Variants in CHST11 observed in about 807,000 individuals in gnomAD.
CHST11 encodes carbohydrate sulfotransferase 11.
Under a neutral mutation model 30.4 loss-of-function variants are expected in CHST11, and 9 were observed. That is an observed-to-expected ratio of 0.30 (90% CI 0.18 to 0.52). CHST11 has a LOEUF of 0.52. Ranked by LOEUF, CHST11 falls within the 20% of genes least tolerant of loss-of-function variation. CHST11 has a pLI of 0.97. For synonymous variants in CHST11, 152 were observed against 187.8 expected (o/e 0.81, Z 1.56); for missense variants, 348 against 460.6 (o/e 0.76, Z 2.24).
rs114912581 is a variant in CHST11, at chr12:104,728,207, C to T, written c.205-28742C>T. ...GAAACAATTAGGGATTGTAATCAGT[C>T]GCCATTCAGAAGTCTTCAGCAGGAA... On this transcript the variant is annotated intron_variant, in intron 2 of 2. Transcript: ENST00000303694. 4.6e-3 allele frequency among the ~76,000 whole-genome samples: 702 copies of T among 152,212 alleles called. 8 individuals carry two copies. The highest frequency in any genetic ancestry group is 0.016 in the African/African-American group (654 of 41,518).
intron 2 of CHST11, among the ~76,000 whole-genome samples, chr12:104,754,524 G>A (rs898464865): frequency 1.3e-5 from 2 of 152,208 alleles, no homozygotes; most frequent in African/African-American, 2.4e-5. Flanking sequence ...TTCCAACAGC[G>A]TGAAGGCTAG....
At chr12:104,687,498 A>G (rs1457491035) in intron 2 of CHST11, among the ~76,000 whole-genome samples, 2 of 152,234 alleles carry the variant, frequency 1.3e-5, no homozygotes. Context: ...CCCTTATTTT[A>G]CAGATGAAGA....
chr12:104,726,618 C>A (rs1255680320), intron 2 of CHST11, among the ~76,000 whole-genome samples: 3 of 152,092 alleles, frequency 2.0e-5, no homozygotes, highest in Non-Finnish European at 2.9e-5. Flanking sequence ...GCTCAACAAC[C>A]CTGCTTCAGG....
intron 2 of CHST11, among the ~76,000 whole-genome samples, chr12:104,723,322 C>T (rs912523330): frequency 2.6e-5 from 4 of 152,156 alleles, no homozygotes; most frequent in Non-Finnish European, 5.9e-5. Context: ...GATCACACAG[C>T]AAGTACACAC....
chr12:104,530,942 T>G (rs1259512297), intron 1 of CHST11, among the ~76,000 whole-genome samples: 1 of 152,220 alleles, frequency 6.6e-6, no homozygotes, highest in Non-Finnish European at 1.5e-5. Flanking sequence ...CATTGAAATT[T>G]CACGTGGATT....
chr12:104,602,211 C>G (rs1333899520), intron 2 of CHST11: 1 of 579,908 alleles, frequency 1.7e-6, no homozygotes, highest in Admixed American at 3.2e-5. Context: ...AGGTTTAGTG[C>G]TAAGCATTCA....
At chr12:104,683,197 C>CTGT (rs1159476200) in intron 2 of CHST11, among the ~76,000 whole-genome samples, 1 of 152,150 alleles carries the variant, frequency 6.6e-6, no homozygotes, top group Non-Finnish European at 1.5e-5. Context: ...CCAGTATCCA[C>CTGT]CTGCTCAGTG....
In CHST11 at chr12:104,502,644, C is replaced by A. The variant is rs550761982; in HGVS notation, c.118+45115C>A. On this transcript the variant is annotated intron_variant, in intron 1 of 2. Transcript: ENST00000303694. Reference sequence around the variant, plus strand: ...GAGCACCAGGTGTTAAATTGGGTAGCTGATCTACGTTCCAAGGAGCTCATG... The same window carrying A: ...GAGCACCAGGTGTTAAATTGGGTAGATGATCTACGTTCCAAGGAGCTCATG... 3.9e-4 allele frequency among the ~76,000 whole-genome samples: 59 copies of A among 152,332 alleles called. No homozygotes were observed. In the Middle Eastern group the frequency reaches 0.01, roughly 26 times the overall value.
chr12:104,600,313 C>T lies in CHST11; in HGVS notation c.119-1593C>T, dbSNP rs1476364903. ...TTCTAAGCAGAGGTCCCTGGGCTAA[C>T]CCCCTGCAGCCAGCCCTCCCAGTCA... On this transcript the variant is annotated intron_variant, in intron 1 of 2. Transcript: ENST00000303694. This position sits in a 1 kb window ranked among gnomAD's most constrained non-coding sequence, Gnocchi z 4.1. Among the ~76,000 whole-genome samples, 1 of 152,154 alleles carries T rather than the reference C, an allele frequency of 6.6e-6. No individual in the cohort carries two copies. The highest frequency in any genetic ancestry group is 6.5e-5 in the Admixed American group (1 of 15,284).
chr12:104,595,576 AC>A (rs2038900356), intron 1 of CHST11, among the ~76,000 whole-genome samples: 1 of 152,206 alleles, frequency 6.6e-6, no homozygotes, highest in African/African-American at 2.4e-5. Flanking sequence ...TCTTCACCTG[AC>A]GAAGGAGAAA....
At chr12:104,703,327 C>T (rs1349808763) in intron 2 of CHST11, among the ~76,000 whole-genome samples, 1 of 152,230 alleles carries the variant, frequency 6.6e-6, no homozygotes, top group Non-Finnish European at 1.5e-5. Flanking sequence ...GCAAATTTGA[C>T]AGGTCTGAAA....
intron 1 of CHST11, among the ~76,000 whole-genome samples, chr12:104,501,182 A>G (rs2037850465): frequency 6.6e-6 from 1 of 152,196 alleles, no homozygotes; most frequent in Non-Finnish European, 1.5e-5. Flanking sequence ...GGAACGGAGT[A>G]GAAAGATGCT....
chr12:104,742,275 G>C (rs1475294255), intron 2 of CHST11, among the ~76,000 whole-genome samples: 4 of 152,204 alleles, frequency 2.6e-5, no homozygotes, highest in Non-Finnish European at 5.9e-5. Flanking sequence ...AAAGAAGGGA[G>C]AGGCCAGGAG....
Position 104,759,365 on chromosome 12 carries a change from C to T in CHST11, c.*1562C>T, listed in dbSNP as rs1305093621. On this transcript the variant is annotated 3_prime_UTR_variant, in exon 3 of 3. Coordinates refer to ENST00000303694, the MANE Select transcript of CHST11 (RefSeq NM_018413.6). ...ACATGCTTCTCATTTCCAGCCATTG[C>T]TGATGCTTCTCAGTTGAAGTTTGAG... The T allele has an allele frequency of 4.6e-5, 7 of 150,828 alleles. No individual in the cohort carries two copies. Among genetic ancestry groups the T allele is most frequent in the Non-Finnish European group, 1.0e-4 (7 of 67,896 alleles). The allele number at this position is 150,828 out of a possible 1,614,324, so 9.3% of individuals were successfully genotyped here.
chr12:104,467,603 T>C (rs2037471658), intron 1 of CHST11, among the ~76,000 whole-genome samples: 1 of 152,198 alleles, frequency 6.6e-6, no homozygotes, highest in African/African-American at 2.4e-5. Flanking sequence ...TAGATATGGA[T>C]AGAGACAAAG....
chr12:104,717,994 A>G (rs942013732), intron 2 of CHST11, among the ~76,000 whole-genome samples: 1 of 152,216 alleles, frequency 6.6e-6, no homozygotes, highest in South Asian at 2.1e-4. Context: ...GTAAAAGACA[A>G]TAGGGCAGTA....
chr12:104,599,360 G>T (rs759550409), intron 1 of CHST11, among the ~76,000 whole-genome samples: 6 of 152,194 alleles, frequency 3.9e-5, no homozygotes. Flanking sequence ...GCTTTTCACC[G>T]CGCGGTCCCG....
At chr12:104,615,109 C>T (rs1173603072) in intron 2 of CHST11, among the ~76,000 whole-genome samples, 1 of 152,200 alleles carries the variant, frequency 6.6e-6, no homozygotes, top group Non-Finnish European at 1.5e-5. Flanking sequence ...AGACATTGGG[C>T]AGCCCTAGAA....
rs1401425834 is a variant in CHST11, at chr12:104,696,519, G to A, written c.205-60430G>A. Reference sequence around the variant, plus strand: ...AAAAAAAAAAAAAACATAGCTGGGCGTGGTGGTGCACACCTGTACACCTGT... The same window carrying A: ...AAAAAAAAAAAAAACATAGCTGGGCATGGTGGTGCACACCTGTACACCTGT... On this transcript the variant is annotated intron_variant, in intron 2 of 2. Transcript: ENST00000303694. Among the ~76,000 whole-genome samples, 5 of 150,260 alleles carry A rather than the reference G, an allele frequency of 3.3e-5. No homozygotes were observed. The East Asian group carries it at 5.8e-4, about 17-fold the overall frequency.
Sources: gnomAD v4.1 joint callset for allele counts (sites outside exome capture counted in the v4.1 genomes callset) on GRCh38, gnomAD v4.1.1 for gene constraint, Gnocchi (gnomAD v3.1) non-coding constraint, MANE v1.5 for transcripts, NCBI Gene and HGNC (gene_info 2026-07-23, HGNC 2026-07-21) for gene names.